FARP2: variants seen among roughly 807,000 people sequenced by gnomAD.
FARP2 encodes the protein FERM, ARHGEF and pleckstrin domain-containing protein 2.
FARP2 carries 111 observed loss-of-function variants against 130.5 expected under a neutral mutation model. That is an observed-to-expected ratio of 0.85 (90% confidence interval 0.73 to 1.00). The LOEUF (loss-of-function observed/expected upper bound fraction) is 1.00, where lower values mean the gene tolerates loss of function less well. Ranked by LOEUF, FARP2 falls within the 50% of genes least tolerant of loss-of-function variation. The pLI, the probability that FARP2 is intolerant of heterozygous loss-of-function variation, is 0.00. For synonymous variants in FARP2, 504 were observed against 516.9 expected (o/e 0.98, Z 0.34); for missense variants, 1,385 against 1,346.3 (o/e 1.03, Z -0.45).
chr2:241,451,704 A>G (rs570995741), intron 13 of FARP2, among the ~76,000 whole-genome samples: 13 of 152,298 alleles, frequency 8.5e-5, no homozygotes, highest in Middle Eastern at 3.4e-3. Context: ...AAAGCTAAAC[A>G]TATTCTGTGG....
At chr2:241,372,374 A>G (rs1404842063) in intron 1 of FARP2, among the ~76,000 whole-genome samples, 3 of 152,156 alleles carry the variant, frequency 2.0e-5, no homozygotes, top group African/African-American at 7.2e-5. Context: ...ATTCAGTTCC[A>G]TATGTGAAAT....
chr2:241,411,972 T>C (rs1164539537), intron 6 of FARP2, among the ~76,000 whole-genome samples: 1 of 152,158 alleles, frequency 6.6e-6, no homozygotes, highest in Non-Finnish European at 1.5e-5. Flanking sequence ...ACTTCTCAGG[T>C]AGACACATGG....
At chr2:241,453,475 A>G (rs1311649223) in intron 13 of FARP2, among the ~76,000 whole-genome samples, 2 of 151,670 alleles carry the variant, frequency 1.3e-5, no homozygotes, top group Non-Finnish European at 2.9e-5. Flanking sequence ...ACAAAAAATT[A>G]GCCAGGCATG....
At chr2:241,388,410 C>G (rs557799649) in intron 2 of FARP2, among the ~76,000 whole-genome samples, 2 of 152,282 alleles carry the variant, frequency 1.3e-5, no homozygotes, top group Non-Finnish European at 2.9e-5. Flanking sequence ...TACTTCACAT[C>G]ATACTCAAAA....
At chr2:241,479,361 G>C (rs184362152) in intron 19 of FARP2, among the ~76,000 whole-genome samples, 1 of 152,212 alleles carries the variant, frequency 6.6e-6, no homozygotes, top group Non-Finnish European at 1.5e-5. Context: ...AAGCGGCCAC[G>C]GCCTCATCGG....
chr2:241,491,676 C>T lies in FARP2; in HGVS notation c.2784C>T (p.Val928=), dbSNP rs1229432797. The change falls in exon 24 of 27, where the codon GTC becomes GTT. Residue 928 remains valine (V), a synonymous_variant. Transcript: ENST00000264042. ...CCAGGGCAGACCACAGTGCAGCTGT[C>T]GAGGTACGACCGCATGAGCACCACC... The part of the protein sequence containing the change: ...SVSRADHSAA[V]ENQLSGYLLR... 12 of 1,595,134 alleles carry T rather than the reference C, an allele frequency of 7.5e-6. No individual in the cohort carries two copies. Among genetic ancestry groups the T allele is most frequent in the African/African-American group, 1.3e-5 (1 of 74,562 alleles).
chr2:241,361,929 C>G lies in FARP2; in HGVS notation c.-25+5541C>G, dbSNP rs191091017. Among the ~76,000 whole-genome samples, 24 of 151,716 alleles carry G rather than the reference C, an allele frequency of 1.6e-4. No individual in the cohort carries two copies. In the East Asian group the frequency reaches 4.5e-3, roughly 28 times the overall value. On this transcript the variant is annotated intron_variant, in intron 1 of 26. Coordinates refer to ENST00000264042, the MANE Select transcript of FARP2 (RefSeq NM_014808.4). ...ATTTTTTTTTAGACAGAGTTTCACT[C>G]TGTCACCCAGGCTGGAGTGCAGTGG...
intron 7 of FARP2, among the ~76,000 whole-genome samples, chr2:241,417,326 C>CATAGATA (rs1221362171): frequency 6.6e-6 from 1 of 151,802 alleles, no homozygotes; most frequent in African/African-American, 2.4e-5. Flanking sequence ...AAAGAAATAC[C>CATAGATA]ATAGATAACA....
chr2:241,365,512 G>T (rs968746574), intron 1 of FARP2, among the ~76,000 whole-genome samples: 4 of 152,072 alleles, frequency 2.6e-5, no homozygotes, highest in African/African-American at 9.7e-5. Context: ...ATTCAAATGA[G>T]GTCCTATATA....
At chr2:241,419,257 A>G (rs1424228269) in intron 8 of FARP2, among the ~76,000 whole-genome samples, 1 of 152,182 alleles carries the variant, frequency 6.6e-6, no homozygotes, top group Non-Finnish European at 1.5e-5. Context: ...AAAATCCATG[A>G]TAGAGACCAG....
rs187658960 is a variant in FARP2, at chr2:241,481,279, C to T, written c.2263-2186C>T. Among the ~76,000 whole-genome samples the T allele has an allele frequency of 2.2e-3, 333 of 152,260 alleles. 5 individuals carry two copies. The highest frequency in any genetic ancestry group is 7.8e-3 in the African/African-American group (326 of 41,560). ...TGGATTTATTTCTGGACTCTTGATT[C>T]TATCCCATGGTCTATATGTCCATTG... On this transcript the variant is annotated intron_variant, in intron 19 of 26. Coordinates refer to ENST00000264042, the MANE Select transcript of FARP2 (RefSeq NM_014808.4).
At chr2:241,370,502 G>A (rs1464071744) in intron 1 of FARP2, among the ~76,000 whole-genome samples, 9 of 151,886 alleles carry the variant, frequency 5.9e-5, no homozygotes, top group Non-Finnish European at 1.2e-4. Context: ...ACATATTTCA[G>A]GGCATCATGT....
chr2:241,489,944 C>A lies in FARP2; in HGVS notation c.2422-18C>A. On this transcript the variant is annotated intron_variant, in intron 21 of 26. Transcript: ENST00000264042. ...TCCTTCTTGGCCACAAGACTTGGAC[C>A]GTTTCTCCCACCCACAGGTGGAAGA... is the stretch of plus-strand genomic sequence containing the variant. 4 of 1,570,328 alleles carry A rather than the reference C, an allele frequency of 2.5e-6. No homozygotes were observed. The highest frequency in any genetic ancestry group is 1.3e-5 in the African/African-American group (1 of 74,122).
chr2:241,418,441 G>T (rs1416443668), intron 8 of FARP2, among the ~76,000 whole-genome samples: 1 of 152,076 alleles, frequency 6.6e-6, no homozygotes, highest in Non-Finnish European at 1.5e-5. Context: ...CTGGGATTCG[G>T]CCTACCCCCT....
At chr2:241,452,868 G>A (rs1399805443) in intron 13 of FARP2, among the ~76,000 whole-genome samples, 1 of 151,340 alleles carries the variant, frequency 6.6e-6, no homozygotes, top group Admixed American at 6.6e-5. Context: ...TTGAACCCAG[G>A]AGGCAGAGAT....
At chr2:241,402,021 C>T (rs146042028) in intron 2 of FARP2, among the ~76,000 whole-genome samples, 2,761 of 152,202 alleles carry the variant, frequency 0.018, 96 homozygotes, top group African/African-American at 0.063. Flanking sequence ...AACTCCTGAG[C>T]TCAGGTGATC....
intron 13 of FARP2, among the ~76,000 whole-genome samples, chr2:241,450,394 G>A (rs557316048): frequency 1.2e-4 from 18 of 151,756 alleles, no homozygotes; most frequent in East Asian, 2.0e-4. Context: ...AAGGCCAGGC[G>A]CGGTGGCTCA....
Position 241,493,006 on chromosome 2 carries a change from C to A in FARP2, c.2865C>A (p.Asn955Lys), listed in dbSNP as rs775582552. 2.2e-5 allele frequency: 35 copies of A among 1,608,764 alleles called. No homozygotes were observed. In the Admixed American group the frequency reaches 5.7e-4, roughly 26 times the overall value. ...GWQKLWVVFT[N>K]FCLFFYKTHQ... ...AGAAGCTCTGGGTCGTCTTTACCAA[C>A]TTCTGTTTGTTCTTCTACAAAACTC... Residue 955 changes from asparagine to lysine, a missense_variant, in exon 25 of 27, where the codon AAC (asparagine) becomes AAA (lysine). Physicochemically the swap from Asn to Lys is moderately conservative, Grantham distance 94. Coordinates refer to ENST00000264042, the MANE Select transcript of FARP2 (RefSeq NM_014808.4).
At chr2:241,452,730 C>A (rs758872383) in intron 13 of FARP2, among the ~76,000 whole-genome samples, 7 of 151,932 alleles carry the variant, frequency 4.6e-5, no homozygotes, top group Admixed American at 6.6e-5. Flanking sequence ...CACCTGAAGT[C>A]ATGAGTTCGA....
Sources: gnomAD v4.1 joint callset for allele counts (sites outside exome capture counted in the v4.1 genomes callset) on GRCh38, gnomAD v4.1.1 for gene constraint, MANE v1.5 for transcripts, NCBI Gene and HGNC (gene_info 2026-07-23, HGNC 2026-07-21) for gene names.